CENPP: variants seen among roughly 807,000 people sequenced by gnomAD.
The protein encoded by CENPP is centromere protein P.
A neutral mutation model predicts 35.6 loss-of-function variants in CENPP; 24 were observed. That is an observed-to-expected ratio of 0.67 (90% CI 0.49 to 0.95). The LOEUF is 0.95. CENPP is among the 40% of genes least tolerant of loss of function. CENPP has a pLI of 0.00. For missense variants in CENPP, 332 were observed against 345.3 expected, an observed-to-expected ratio of 0.96 and a Z score of 0.31; for synonymous variants, 120 against 125.5, an observed-to-expected ratio of 0.96 and a Z score of 0.29.
At chr9:92,455,294 G>A (rs1418148770) in intron 5 of CENPP, among the ~76,000 whole-genome samples, 18 of 152,180 alleles carry the variant, frequency 1.2e-4, no homozygotes, top group Admixed American at 1.2e-3. Context: ...GAAGCCTGAA[G>A]CAGGAGGATT....
intron 5 of CENPP, among the ~76,000 whole-genome samples, chr9:92,443,983 C>A (rs1415086543): frequency 1.3e-5 from 2 of 151,904 alleles, no homozygotes; most frequent in Non-Finnish European, 2.9e-5. Flanking sequence ...AAGGTATAGA[C>A]CTATGGGATA....
chr9:92,375,479 A>G (rs1842104298), intron 4 of CENPP, among the ~76,000 whole-genome samples: 1 of 151,448 alleles, frequency 6.6e-6, no homozygotes, highest in Non-Finnish European at 1.5e-5. Context: ...TTTTTTTTTA[A>G]TAGAGATGGG....
Position 92,329,648 on chromosome 9 carries a change from C to T in CENPP, c.108-2522C>T, listed in dbSNP as rs560510008. 2.7e-4 allele frequency among the ~76,000 whole-genome samples: 41 copies of T among 152,276 alleles called. 2 individuals are homozygous for T. In the South Asian group the frequency reaches 8.5e-3, roughly 32 times the overall value. ...CCACCTCCCATGCTCAAGCAATCGT[C>T]CTGCCTCAGCGACCCTCCACCAGCC... On this transcript the variant is annotated intron_variant, in intron 1 of 7. Transcript: ENST00000375587.
At chr9:92,425,770 A>G (rs1843949376) in intron 5 of CENPP, among the ~76,000 whole-genome samples, 1 of 152,240 alleles carries the variant, frequency 6.6e-6, no homozygotes, top group African/African-American at 2.4e-5. Flanking sequence ...GGCAGACCAC[A>G]CTTTAGCCAA....
intron 5 of CENPP, among the ~76,000 whole-genome samples, chr9:92,534,527 G>A (rs570663362): frequency 1.3e-5 from 2 of 152,252 alleles, no homozygotes; most frequent in South Asian, 4.2e-4. Context: ...ATAGGTTATT[G>A]AAATGACCTA....
At chr9:92,416,737 A>G in intron 5 of CENPP, 1 of 1,613,476 alleles carries the variant, frequency 6.2e-7, no homozygotes, top group Non-Finnish European at 8.5e-7. Flanking sequence ...TAAAAATATT[A>G]TATGGGATGT....
At chr9:92,433,177 C>T (rs1246570795) in intron 5 of CENPP, among the ~76,000 whole-genome samples, 3 of 152,176 alleles carry the variant, frequency 2.0e-5, no homozygotes, top group Non-Finnish European at 4.4e-5. Context: ...AAGGCACCAG[C>T]ATTTGGCAAG....
At chr9:92,569,901 G>A (rs964046458) in intron 5 of CENPP, among the ~76,000 whole-genome samples, 2 of 152,168 alleles carry the variant, frequency 1.3e-5, no homozygotes, top group African/African-American at 4.8e-5. Flanking sequence ...TGGTGTATAG[G>A]AAGGCCTGTG....
At chr9:92,341,886 A>G (rs912414127) in intron 3 of CENPP, among the ~76,000 whole-genome samples, 1 of 152,260 alleles carries the variant, frequency 6.6e-6, no homozygotes, top group Non-Finnish European at 1.5e-5. Flanking sequence ...TTTTGTGACC[A>G]TTTGATAATG....
intron 3 of CENPP, among the ~76,000 whole-genome samples, chr9:92,342,719 G>T (rs993099188): frequency 2.6e-5 from 4 of 152,194 alleles, no homozygotes; most frequent in African/African-American, 9.7e-5. Flanking sequence ...AAAAACAAAG[G>T]ACTATCTCGT....
intron 1 of CENPP, among the ~76,000 whole-genome samples, chr9:92,330,639 C>T (rs1231545081): frequency 1.3e-5 from 2 of 149,748 alleles, no homozygotes; most frequent in African/African-American, 4.9e-5. Flanking sequence ...CAATTATTAG[C>T]TAAAATTTCT....
intron 2 of CENPP, among the ~76,000 whole-genome samples, chr9:92,336,379 G>C (rs1027850527): frequency 3.3e-5 from 5 of 152,086 alleles, no homozygotes; most frequent in African/African-American, 1.2e-4. Context: ...AAGGTACTTG[G>C]TGCTGCTGAC....
intron 5 of CENPP, among the ~76,000 whole-genome samples, chr9:92,453,547 G>A (rs1844780069): frequency 6.6e-6 from 1 of 152,094 alleles, no homozygotes; most frequent in South Asian, 2.1e-4. Context: ...GAAAAGGTGT[G>A]GTGTGGTGCT....
intron 5 of CENPP, among the ~76,000 whole-genome samples, chr9:92,467,046 C>T (rs528761910): frequency 7.2e-5 from 11 of 152,144 alleles, no homozygotes; most frequent in South Asian, 2.1e-4. Context: ...AGAACAGAGG[C>T]CTGTAAGGAA....
At chr9:92,570,947 C>T (rs1421687887) in intron 5 of CENPP, among the ~76,000 whole-genome samples, 1 of 151,974 alleles carries the variant, frequency 6.6e-6, no homozygotes, top group Non-Finnish European at 1.5e-5. Flanking sequence ...TTTTTTATTG[C>T]ATCTATTTGA....
intron 5 of CENPP, among the ~76,000 whole-genome samples, chr9:92,412,197 C>G (rs1317171382): frequency 6.6e-6 from 1 of 152,076 alleles, no homozygotes. Context: ...AGCAATCTTT[C>G]TGCTTCAGCC....
intron 5 of CENPP, chr9:92,500,866 T>C (rs1588187895): frequency 6.2e-7 from 1 of 1,614,210 alleles, no homozygotes; most frequent in South Asian, 1.1e-5. Flanking sequence ...ACACGGTCCA[T>C]GCCATCATCA....
chr9:92,361,636 C>T (rs1277664049), intron 4 of CENPP, among the ~76,000 whole-genome samples: 15 of 151,524 alleles, frequency 9.9e-5, no homozygotes, highest in Admixed American at 2.0e-4. Flanking sequence ...TGCACCACCA[C>T]GCACAGCTAA....
chr9:92,433,991 T>C (rs10125510), intron 5 of CENPP, among the ~76,000 whole-genome samples: 135,836 of 152,220 alleles, frequency 0.89, 60,775 homozygotes, highest in African/African-American at 0.95. Flanking sequence ...TATCTTATAC[T>C]TTGTGCTCAC....
Sources: allele counts gnomAD v4.1 joint callset (sites outside exome capture counted in the v4.1 genomes callset), GRCh38; gene constraint gnomAD v4.1.1; transcripts MANE v1.5; gene names NCBI Gene and HGNC (gene_info 2026-07-23, HGNC 2026-07-21).